The following ERC1 variants were observed in gnomAD, a reference collection of about 807,000 sequenced individuals.
ERC1 encodes the protein ELKS/RAB6-interacting/CAST family member 1.
In ERC1, 56 loss-of-function variants were observed where a neutral mutation model predicts 132.0. The observed-to-expected ratio is 0.42, with a 90% CI of 0.34 to 0.53. ERC1 has a LOEUF of 0.53. ERC1 is among the 20% of genes least tolerant of loss of function. The pLI is 0.03. For synonymous variants in ERC1, 478 were observed against 476.1 expected (o/e 1.00, Z -0.05); for missense variants, 1,202 against 1,349.9 (o/e 0.89, Z 1.72).
chr12:1,186,113 A>C (rs1027606613), intron 11 of ERC1, among the ~76,000 whole-genome samples: 5 of 152,234 alleles, frequency 3.3e-5, no homozygotes, highest in African/African-American at 9.6e-5. Flanking sequence ...ATTTACATAA[A>C]TGTTTCTCTT....
chr12:1,008,049 C>T (rs968737076), intron 1 of ERC1, among the ~76,000 whole-genome samples: 7 of 152,266 alleles, frequency 4.6e-5, no homozygotes, highest in African/African-American at 1.4e-4. Context: ...GGTTTTCTCT[C>T]GTCTCCTAAG....
At chr12:1,234,031 A>G (rs1414502521) in intron 12 of ERC1, among the ~76,000 whole-genome samples, 3 of 152,220 alleles carry the variant, frequency 2.0e-5, no homozygotes, top group Admixed American at 6.5e-5. Context: ...GTATAATGAC[A>G]TGATATCTGG....
intron 13 of ERC1, among the ~76,000 whole-genome samples, chr12:1,238,349 T>C (rs2075567871): frequency 6.6e-6 from 1 of 152,310 alleles, no homozygotes; most frequent in African/African-American, 2.4e-5. Context: ...GCTTAGTTTA[T>C]CCACATTTTG....
intron 18 of ERC1, among the ~76,000 whole-genome samples, chr12:1,453,018 G>T (rs1395424792): frequency 6.6e-6 from 1 of 152,118 alleles, no homozygotes; most frequent in African/African-American, 2.4e-5. Flanking sequence ...CTTTCAGCAT[G>T]TCCTTCATGC....
chr12:1,469,029 G>A (rs1354937064), intron 18 of ERC1, among the ~76,000 whole-genome samples: 1 of 152,238 alleles, frequency 6.6e-6, no homozygotes, highest in Non-Finnish European at 1.5e-5. Context: ...TCTAGTGCAA[G>A]CAGAGTGTTT....
intron 17 of ERC1, among the ~76,000 whole-genome samples, chr12:1,425,093 A>T (rs187629784): frequency 3.2e-4 from 49 of 152,226 alleles, no homozygotes; most frequent in Admixed American, 9.8e-4. Flanking sequence ...TTGGAATAGC[A>T]TGCTACTGCT....
At chr12:1,410,561 G>T (rs1408174581) in intron 17 of ERC1, 1 of 334,344 alleles carries the variant, frequency 3.0e-6, no homozygotes, top group Non-Finnish European at 5.5e-6. Context: ...TGAAATCCCT[G>T]GTGTGCTTTC....
At chr12:1,042,048 C>G (rs1448357339) in intron 2 of ERC1, among the ~76,000 whole-genome samples, 2 of 152,108 alleles carry the variant, frequency 1.3e-5, no homozygotes, top group Non-Finnish European at 2.9e-5. Context: ...TGCATCTGGC[C>G]TACCAGTACT....
chr12:1,134,533 G>A (rs1248848215), intron 7 of ERC1, among the ~76,000 whole-genome samples: 1 of 151,432 alleles, frequency 6.6e-6, no homozygotes, highest in Non-Finnish European at 1.5e-5. Context: ...ATTTTTTTTT[G>A]TAGAGATAGT....
intron 8 of ERC1, among the ~76,000 whole-genome samples, chr12:1,168,004 G>A (rs1229658786): frequency 2.0e-5 from 3 of 152,054 alleles, no homozygotes; most frequent in East Asian, 1.9e-4. Flanking sequence ...GTGAGTCACC[G>A]CGCCCCGTCA....
chr12:1,060,445 T>C (rs958030171), intron 2 of ERC1, among the ~76,000 whole-genome samples: 12 of 152,050 alleles, frequency 7.9e-5, no homozygotes, highest in Non-Finnish European at 1.5e-4. Context: ...TTTGTCCTTG[T>C]GATAGTTTAC....
chr12:1,467,538 A>C (rs1390033548), intron 18 of ERC1, among the ~76,000 whole-genome samples: 1 of 152,150 alleles, frequency 6.6e-6, no homozygotes, highest in African/African-American at 2.4e-5. Context: ...ATACATCTAG[A>C]GCAGCGGTCC....
intron 18 of ERC1, among the ~76,000 whole-genome samples, chr12:1,465,196 T>C (rs573503830): frequency 1.3e-5 from 2 of 152,062 alleles, no homozygotes; most frequent in Non-Finnish European, 2.9e-5. Context: ...GAGAAGAAAA[T>C]GAGTCCTTGT....
chr12:992,923 T>G (rs1186285845), intron 1 of ERC1, among the ~76,000 whole-genome samples: 1 of 152,246 alleles, frequency 6.6e-6, no homozygotes, highest in Non-Finnish European at 1.5e-5. Flanking sequence ...AAGGCTTGCC[T>G]AGTTTATTTG....
chr12:1,151,667 T>C (rs948301706), intron 8 of ERC1: 1 of 152,244 alleles, frequency 6.6e-6, no homozygotes, highest in Non-Finnish European at 1.5e-5. Context: ...ATGTGAATTA[T>C]ATCAACAGGT....
intron 17 of ERC1, among the ~76,000 whole-genome samples, chr12:1,437,022 A>G (rs916076179): frequency 3.9e-5 from 6 of 152,184 alleles, no homozygotes; most frequent in African/African-American, 1.4e-4. Flanking sequence ...TTTCACTAAA[A>G]CACAATGAGT....
intron 15 of ERC1, among the ~76,000 whole-genome samples, chr12:1,315,219 G>C (rs1240537296): frequency 6.6e-6 from 1 of 152,104 alleles, no homozygotes; most frequent in Admixed American, 6.5e-5. Flanking sequence ...ATTTCACCAT[G>C]TTGTCCAGGC....
At chr12:1,269,982 A>G (rs2077719273) in intron 14 of ERC1, among the ~76,000 whole-genome samples, 1 of 152,194 alleles carries the variant, frequency 6.6e-6, no homozygotes, top group African/African-American at 2.4e-5. Flanking sequence ...TTTTCAACAG[A>G]ATTGAAATAA....
chr12:1,168,477 GT>G (rs1952678390), intron 8 of ERC1, among the ~76,000 whole-genome samples: 1 of 133,178 alleles, frequency 7.5e-6, no homozygotes, highest in Non-Finnish European at 1.6e-5. Context: ...GAAGTGACTG[GT>G]CTTTTTTTTT....
Sources: allele counts gnomAD v4.1 joint callset (sites outside exome capture counted in the v4.1 genomes callset), GRCh38; gene constraint gnomAD v4.1.1; transcripts MANE v1.5; gene names NCBI Gene and HGNC (gene_info 2026-07-23, HGNC 2026-07-21).